The following MUC3A variants were observed in gnomAD, a reference collection of about 807,000 sequenced individuals.
The protein encoded by MUC3A is mucin 3A, cell surface associated, also known as mucin-3A.
In MUC3A, 109 loss-of-function variants were observed where a neutral mutation model predicts 109.0. That is an observed-to-expected ratio of 1.00 (90% CI 0.86 to 1.17). The LOEUF (loss-of-function observed/expected upper bound fraction) is 1.17, where lower values mean the gene tolerates loss of function less well. Among genes scored for constraint, MUC3A ranks in the 50% most tolerant of loss-of-function variants. The pLI is 0.00. For synonymous variants in MUC3A, 1,398 were observed against 981.4 expected, an observed-to-expected ratio of 1.42 and a Z score of -7.93; for missense variants, 3,537 against 2,469.4, an observed-to-expected ratio of 1.43 and a Z score of -9.16.
Position 100,959,182 on chromosome 7 carries a change from C to G in MUC3A, c.7403C>G (p.Thr2468Ser), listed in dbSNP as rs1563067857. 2.5e-6 allele frequency: 4 copies of G among 1,596,284 alleles called. No individual in the cohort carries two copies. Among genetic ancestry groups the G allele is most frequent in the African/African-American group, 2.7e-5 (2 of 74,160 alleles). The change falls in exon 2 of 12, where the codon ACT (threonine) becomes AGT (serine). Residue 2468 changes from threonine to serine, a missense_variant. Coordinates refer to ENST00000379458, the MANE Select transcript of MUC3A (RefSeq NM_005960.2). ...ACCTCACATTTTACTACCTCAGAGA[C>G]TGCGGTGACTCCCACACCTGTAACC... is the stretch of plus-strand genomic sequence containing the variant. ...AITSHFTTSE[T>S]AVTPTPVTPS...
chr7:100,963,328 C>G, intron 4 of MUC3A, 62 bp downstream of exon 4: 2 of 1,246,498 alleles, frequency 1.6e-6, no homozygotes, highest in Non-Finnish European at 2.2e-6. Context: ...CACTCTCACC[C>G]TGGCTGGAGT....
rs1205065897 is a variant in MUC3A, at chr7:100,960,946, C to G, written c.9052+9C>G. 9 of 1,598,544 alleles carry G rather than the reference C, an allele frequency of 5.6e-6. No homozygotes were observed. Among genetic ancestry groups the G allele is most frequent in the Non-Finnish European group, 7.6e-6 (9 of 1,179,826 alleles). ...GGAACAGGTGGATCTAGGTGAGTTG[C>G]CAGAGCTATGCCTTCTGCACTTCCT... On this transcript the variant is annotated intron_variant, in intron 3 of 11. Transcript: ENST00000379458.
chr7:100,966,865 C>A, intron 10 of MUC3A, 34 bp from the exon 11 acceptor site: 2 of 1,598,498 alleles, frequency 1.3e-6, no homozygotes, highest in East Asian at 4.5e-5. Context: ...CCCTCCCTCT[C>A]CCCTTCTCTT....
At position 100,957,489 on chromosome 7, in the gene MUC3A, A is replaced by G; in HGVS notation, c.5710A>G (p.Thr1904Ala). The G allele has an allele frequency of 2.1e-6, 3 of 1,412,438 alleles. No individual in the cohort carries two copies. The highest frequency in any genetic ancestry group is 2.8e-6 in the Non-Finnish European group (3 of 1,069,296). The allele number at this position is 1,412,438 out of a possible 1,614,324, so 87.5% of individuals were successfully genotyped here. Residue 1904 changes from threonine (T) to alanine (A), a missense_variant, in exon 2 of 12, where the codon ACT becomes GCT. Coordinates refer to ENST00000379458, the MANE Select transcript of MUC3A (RefSeq NM_005960.2). Reference protein sequence around the residue: ...TTTTKITSHSTPSFTSSIATT... With the variant: ...TTTTKITSHSAPSFTSSIATT... Reference sequence around the variant, plus strand: ...GACCACCAAGATCACCTCACACAGTACTCCTAGCTTCACTTCTTCAATCGC... The same window carrying G: ...GACCACCAAGATCACCTCACACAGTGCTCCTAGCTTCACTTCTTCAATCGC...
At chr7:100,962,658 T>C (rs1180512947) in intron 3 of MUC3A, among the ~76,000 whole-genome samples, 1 of 132,158 alleles carries the variant, frequency 7.6e-6, no homozygotes, top group Non-Finnish European at 1.8e-5. Flanking sequence ...TTCTTTTGTC[T>C]CTTTCTCTTT....
chr7:100,952,171 C>T lies in MUC3A; in HGVS notation c.392C>T (p.Pro131Leu), dbSNP rs1469373661. ...VYSATTECVY[P>L]TSFIITISHP... ...TCAGCCACCACTGAGTGCGTGTATC[C>T]AACGAGCTTTATAATCACCATCTCC... The change falls in exon 2 of 12, where the codon CCA becomes CTA. Residue 131 changes from proline (P) to leucine (L), a missense_variant. By Grantham distance (98) the Pro-to-Leu change is moderately conservative (BLOSUM62 -3). Coordinates refer to ENST00000379458, the MANE Select transcript of MUC3A (RefSeq NM_005960.2). The T allele has an allele frequency of 6.3e-7, 1 of 1,598,400 alleles. No individual in the cohort carries two copies. Among genetic ancestry groups the T allele is most frequent in the South Asian group, 1.1e-5 (1 of 91,094 alleles).
At position 100,967,153 on chromosome 7, in the gene MUC3A, C is replaced by T. The variant is rs867828917; in HGVS notation, c.9963C>T (p.Ser3321=). The change falls in exon 12 of 12, where the codon TCC becomes TCT. Residue 3321 remains serine, a synonymous_variant. Coordinates refer to ENST00000379458, the MANE Select transcript of MUC3A (RefSeq NM_005960.2). ...TCAAGAGACCCGAGATGACCTCGTCCTCAGTGTGAGCCCTGCGGGGCCCCT... is the reference window on the plus strand; with the variant it reads ...TCAAGAGACCCGAGATGACCTCGTCTTCAGTGTGAGCCCTGCGGGGCCCCT... The part of the protein sequence containing the change: ...VHIKRPEMTS[S]SV 3 of 1,598,550 alleles carry T rather than the reference C, an allele frequency of 1.9e-6. No homozygotes were observed. Among genetic ancestry groups the T allele is most frequent in the Middle Eastern group, 3.3e-4 (2 of 6,060 alleles).
Position 100,959,233 on chromosome 7 carries a change from C to G in MUC3A, c.7454C>G (p.Pro2485Arg), listed in dbSNP as rs754642452. 1.3e-6 allele frequency: 2 copies of G among 1,598,202 alleles called. No individual in the cohort carries two copies. Among genetic ancestry groups the G allele is most frequent in the South Asian group, 1.1e-5 (1 of 91,048 alleles). The change falls in exon 2 of 12, where the codon CCG becomes CGG. Residue 2485 changes from proline to arginine, a missense_variant. Coordinates refer to ENST00000379458, the MANE Select transcript of MUC3A (RefSeq NM_005960.2). ...CCATCTTCTCTGAGTACAGACATCCCGACCACAAGCCTACGAACTCTCACC... is the reference window on the plus strand; with the variant it reads ...CCATCTTCTCTGAGTACAGACATCCGGACCACAAGCCTACGAACTCTCACC... ...VTPSSLSTDI[P>R]TTSLRTLTPS...
rs1366845234 is a variant in MUC3A, at chr7:100,956,521, C to T, written c.4742C>T (p.Pro1581Leu). 15 of 460,322 alleles carry T rather than the reference C, an allele frequency of 3.3e-5. No individual in the cohort carries two copies. Among genetic ancestry groups the T allele is most frequent in the Non-Finnish European group, 5.7e-5 (15 of 263,100 alleles). The allele number at this position is 460,322 out of a possible 1,614,324, so 28.5% of individuals were successfully genotyped here. A position where few individuals can be genotyped will look rare whatever the true frequency, so the allele number is the denominator to read the frequency against. ...IPTSQPTTIT[P>L]SSVGISGSLP... The stretch of plus-strand genomic sequence containing the variant: ...ACCTCACAACCAACAACTATTACTC[C>T]CTCATCCGTGGGCATCAGTGGTTCA... Residue 1581 changes from proline to leucine, a missense_variant, in exon 2 of 12, where the codon CCC (proline) becomes CTC (leucine). Pro to Leu is a moderately conservative substitution (Grantham distance 98). Coordinates refer to ENST00000379458, the MANE Select transcript of MUC3A (RefSeq NM_005960.2).
Position 100,960,120 on chromosome 7 carries a change from T to A in MUC3A, c.8341T>A (p.Ser2781Thr), listed in dbSNP as rs563204473. ...GTITITIVPA[S>T]PTDPCVEMDP... ...TATAACAATTACCATAGTCCCTGCC[T>A]CCCCCACTGATCCATGTGTTGAAAT... The change falls in exon 2 of 12, where the codon TCC becomes ACC. Residue 2781 changes from serine to threonine, a missense_variant. Coordinates refer to ENST00000379458, the MANE Select transcript of MUC3A (RefSeq NM_005960.2). 3 of 1,542,924 alleles carry A rather than the reference T, an allele frequency of 1.9e-6. No individual in the cohort carries two copies. The highest frequency in any genetic ancestry group is 2.6e-6 in the Non-Finnish European group (3 of 1,151,300).
At chr7:100,965,166 A>T in intron 6 of MUC3A, 116 bp from the exon 7 acceptor site, 3 of 1,457,504 alleles carry the variant, frequency 2.1e-6, no homozygotes, top group Admixed American at 4.1e-5. Flanking sequence ...GGGCTCTCCC[A>T]GACGGAGAGA....
chr7:100,951,544 GAGGCT>G (rs1791941920), intron 1 of MUC3A, among the ~76,000 whole-genome samples: 2 of 150,572 alleles, frequency 1.3e-5, no homozygotes, highest in African/African-American at 2.4e-5. Context: ...GGAGGGGAGG[GAGGCT>G]CTGCCCAGCT....
In MUC3A at chr7:100,960,510, C is replaced by T. The variant is rs745312960; in HGVS notation, c.8731C>T (p.His2911Tyr). Reference protein sequence around the residue: ...TILRTSSKSTHPSPPTTRTSE... With the variant: ...TILRTSSKSTYPSPPTTRTSE... ...CCTGAGGACTTCAAGCAAGTCAACA[C>T]ACCCCTCCCCACCCACCACTAGGAC... is the stretch of plus-strand genomic sequence containing the variant. The change falls in exon 2 of 12, where the codon CAC becomes TAC. Residue 2911 changes from histidine (H) to tyrosine (Y), a missense_variant. Transcript: ENST00000379458. 6.3e-7 allele frequency: 1 copy of T among 1,598,720 alleles called. No homozygotes were observed. The highest frequency in any genetic ancestry group is 1.1e-5 in the South Asian group (1 of 91,092).
Position 100,960,598 on chromosome 7 carries a change from G to T in MUC3A, c.8819G>T (p.Arg2940Leu). 1.3e-6 allele frequency: 2 copies of T among 1,594,942 alleles called. No individual in the cohort carries two copies. The highest frequency in any genetic ancestry group is 8.5e-7 in the Non-Finnish European group (1 of 1,176,926). ...ACCCTTACATCACGCAGGACAACTCGCATCACTTCTCAGATGACCACACAG... is the reference window on the plus strand; with the variant it reads ...ACCCTTACATCACGCAGGACAACTCTCATCACTTCTCAGATGACCACACAG... ...PTTLTSRRTT[R>L]ITSQMTTQST... is the part of the protein sequence containing the mutation. Residue 2940 changes from arginine to leucine, a missense_variant, in exon 2 of 12, where the codon CGC becomes CTC. Transcript: ENST00000379458.
At chr7:100,966,024 G>T in intron 8 of MUC3A, 158 bp downstream of exon 8, 1 of 1,114,556 alleles carries the variant, frequency 9.0e-7, no homozygotes. Context: ...CCCTACAGTG[G>T]AGCCCTGCCC....
intron 3 of MUC3A, among the ~76,000 whole-genome samples, chr7:100,961,700 C>T (rs1276895793): frequency 1.3e-5 from 2 of 151,164 alleles, no homozygotes; most frequent in African/African-American, 2.4e-5. Context: ...TAAATCCTCA[C>T]TATTCAGGAG....
chr7:100,966,321 C>T, intron 8 of MUC3A, 65 bp from the exon 9 acceptor site: 6 of 1,268,758 alleles, frequency 4.7e-6, no homozygotes, highest in Non-Finnish European at 4.9e-6. Flanking sequence ...CCCCGCGGGG[C>T]CCAGGTGCAC....
chr7:100,966,648 C>CTAG lies in MUC3A; in HGVS notation c.9786-3_9786-1dup. ...CTGTCTGACCGCGCGGCGGCCCCACCTAGGTCCTGGGACCAGGACAGGAAA... is the reference window on the plus strand; with the variant it reads ...CTGTCTGACCGCGCGGCGGCCCCACCTAGTAGGTCCTGGGACCAGGACAGGAAA... On this transcript the variant is annotated splice_polypyrimidine_tract_variant and splice_region_variant and intron_variant, in intron 9 of 11. Transcript: ENST00000379458. 1 of 1,598,514 alleles carries CTAG rather than the reference C, an allele frequency of 6.3e-7. No homozygotes were observed. Among genetic ancestry groups the CTAG allele is most frequent in the East Asian group, 2.2e-5 (1 of 44,892 alleles).
rs543853775 is a variant in MUC3A, at chr7:100,960,064, C to T, written c.8285C>T (p.Ser2762Phe). The T allele has an allele frequency of 1.8e-4, 274 of 1,510,658 alleles. No homozygotes were observed. Among genetic ancestry groups the T allele is most frequent in the South Asian group, 1.1e-3 (80 of 75,142 alleles). The allele number at this position is 1,510,658 out of a possible 1,614,324, so 93.6% of individuals were successfully genotyped here. A position where few individuals can be genotyped will look rare whatever the true frequency, so the allele number is the denominator to read the frequency against. The change falls in exon 2 of 12, where the codon TCC (serine) becomes TTC (phenylalanine). Residue 2762 changes from serine (S) to phenylalanine (F), a missense_variant. Transcript: ENST00000379458. ...LTEITPFSYI[S>F]LPSTTPCPGT... ...GAAATAACCCCCTTTTCTTATATTT[C>T]CCTTCCCTCCACCACACCCTGTCCA...
Sources: gnomAD v4.1 joint callset for allele counts (sites outside exome capture counted in the v4.1 genomes callset) on GRCh38, gnomAD v4.1.1 for gene constraint, MANE v1.5 for transcripts, NCBI Gene and HGNC (gene_info 2026-07-23, HGNC 2026-07-21) for gene names.